PCSK4: variants seen among roughly 807,000 people sequenced by gnomAD.
The protein encoded by PCSK4 is proprotein convertase subtilisin/kexin type 4.
Under a neutral mutation model 80.3 loss-of-function variants are expected in PCSK4, and 64 were observed. The observed-to-expected ratio is 0.80, with a 90% CI of 0.65 to 0.98. The LOEUF is 0.98. PCSK4 is among the 50% of genes least tolerant of loss of function. The probability of loss-of-function intolerance (pLI) is 0.00; values close to 1 mark genes in which losing one functional copy is unlikely to be tolerated. For missense variants in PCSK4, 1,213 were observed against 1,093.6 expected, an observed-to-expected ratio of 1.11 and a Z score of -1.54; for synonymous variants, 561 against 487.6, an observed-to-expected ratio of 1.15 and a Z score of -1.98.
At chr19:1,486,955 C>A in exon 8 of PCSK4, 1 of 1,608,204 alleles carries the variant, frequency 6.2e-7, no homozygotes, top group Non-Finnish European at 8.5e-7. Context: ...TGGTGCTGCC[C>A]ACGGAAAGCG....
intron 13 of PCSK4, 53 bp downstream of exon 13, chr19:1,482,843 G>C (rs1212988396): frequency 6.3e-7 from 1 of 1,593,262 alleles, no homozygotes; most frequent in Non-Finnish European, 8.6e-7. Flanking sequence ...AGAGCCCCTG[G>C]GGGGAGGTTG....
At chr19:1,490,590 CGACAA>C, upstream of PCSK4, 3 of 466,550 alleles carry the variant, frequency 6.4e-6, no homozygotes, top group Non-Finnish European at 1.1e-5. Flanking sequence ...ATTTGTACAA[CGACAA>C]GACTAACCCA....
Position 1,482,340 on chromosome 19 carries a change from C to T in PCSK4, c.1819+13G>A, listed in dbSNP as rs996035440. On this transcript the variant is annotated intron_variant, in intron 14 of 14. Coordinates refer to ENST00000300954, the Ensembl canonical transcript of PCSK4. ...CGCCTCCCAGCAGTGGGCCCTGCCCCGCCGGCACTCACCCTGGCACAGCCC... is the reference window on the plus strand; with the variant it reads ...CGCCTCCCAGCAGTGGGCCCTGCCCTGCCGGCACTCACCCTGGCACAGCCC... The T allele has an allele frequency of 1.5e-5, 23 of 1,538,124 alleles. No homozygotes were observed. Among genetic ancestry groups the T allele is most frequent in the Admixed American group, 3.9e-5 (2 of 50,986 alleles).
At chr19:1,483,865 A>G (rs963834921) in exon 10 of PCSK4, 10 of 1,497,212 alleles carry the variant, frequency 6.7e-6, no homozygotes, top group Non-Finnish European at 8.8e-6. Flanking sequence ...TTGGTCCTCC[A>G]GTCCTCGGCC....
rs751337182 is a variant in PCSK4 at position 1,483,510 on chromosome 19, T to C, written c.1392-47A>G. On this transcript the variant is annotated intron_variant, in intron 11 of 14. Transcript: ENST00000300954. The stretch of plus-strand genomic sequence containing the variant: ...GACCCTCCTGCGGCCTGCTGGGGGG[T>C]GGGTGGGCGGCCAGCAGGCGAGGTC... The C allele has an allele frequency of 1.2e-5, 6 of 520,604 alleles. No homozygotes were observed. In the East Asian group the frequency reaches 2.5e-4, roughly 21 times the overall value. 32.2% of individuals were successfully genotyped at this position (520,604 alleles called of 1,614,324 possible). A position where few individuals can be genotyped will look rare whatever the true frequency, so the allele number is the denominator to read the frequency against.
At chr19:1,482,505 G>C in intron 13 of PCSK4, 30 bp from the exon 14 acceptor site, 1 of 1,584,932 alleles carries the variant, frequency 6.3e-7, no homozygotes, top group African/African-American at 1.3e-5. Flanking sequence ...GGGCACAGGA[G>C]GAAAAGGAGG....
intron 13 of PCSK4, 159 bp from the exon 14 acceptor site, chr19:1,482,634 A>ACACCGACATCTC (rs1400678687): frequency 1.1e-6 from 1 of 937,526 alleles, no homozygotes; most frequent in African/African-American, 1.7e-5. Flanking sequence ...CTGTCACTGG[A>ACACCGACATCTC]CACCGACATC....
intron 10 of PCSK4, 21 bp from the exon 11 acceptor site, chr19:1,483,788 C>T (rs2145346837): frequency 6.5e-7 from 1 of 1,549,936 alleles, no homozygotes. Flanking sequence ...GGGCAGCAGT[C>T]ACTCGCCCCG....
Position 1,483,643 on chromosome 19 carries a change from G to T in PCSK4, c.1391+7C>A, listed in dbSNP as rs972029458. The stretch of plus-strand genomic sequence containing the variant: ...GGGGATAGCGGAGGGGCGCGCAGGG[G>T]TCTCACGTGGGGCGGCTCTGGACCC... On this transcript the variant is annotated splice_region_variant and intron_variant, in intron 11 of 14. Transcript: ENST00000300954. The T allele has an allele frequency of 8.9e-6, 14 of 1,576,926 alleles. No homozygotes were observed. The highest frequency in any genetic ancestry group is 1.3e-5 in the African/African-American group (1 of 74,284).
chr19:1,489,832 C>T (rs1287813070), exon 2 of PCSK4: 1 of 1,609,968 alleles, frequency 6.2e-7, no homozygotes, highest in East Asian at 2.2e-5. Context: ...GGCCCCAGTG[C>T]GGGGTCAGGG....
intron 8 of PCSK4, 51 bp from the exon 9 acceptor site, chr19:1,484,178 A>G (rs2084481965): frequency 5.8e-6 from 6 of 1,036,718 alleles, no homozygotes; most frequent in Non-Finnish European, 8.7e-6. Flanking sequence ...GTGAGAATAC[A>G]GCCCTTCTTC....
At chr19:1,490,673 AC>A, upstream of PCSK4, 1 of 318,668 alleles carries the variant, frequency 3.1e-6, no homozygotes, top group Non-Finnish European at 5.8e-6. Flanking sequence ...TTTCCAACAC[AC>A]CCCTCCTTCG....
exon 12 of PCSK4, chr19:1,483,383 T>G: frequency 6.2e-7 from 1 of 1,606,750 alleles, no homozygotes; most frequent in Non-Finnish European, 8.5e-7. Context: ...CGCCTGCACG[T>G]GCTCCAGCGA....
In PCSK4 at chr19:1,487,031, G is replaced by A. The variant is rs774780715; in HGVS notation, c.890C>T (p.Ala297Val). 21 of 1,607,954 alleles carry A rather than the reference G, an allele frequency of 1.3e-5. No homozygotes were observed. The South Asian group carries it at 2.2e-4, about 17-fold the overall frequency. Residue 297 changes from alanine (A) to valine (V), a missense_variant, in exon 8 of 15, where the codon GCC becomes GTC. Ala to Val is a moderately conservative substitution (Grantham distance 64). Transcript: ENST00000300954. ...GTAGTGCAGGCCGCCGTTGCCCGAG[G>A]CCCAGATGAAGAGCGTGCCCAGCCC...
chr19:1,483,540 C>T (rs530797855), intron 11 of PCSK4, 77 bp from the exon 12 acceptor site: 1 of 1,424,734 alleles, frequency 7.0e-7, no homozygotes, highest in East Asian at 2.3e-5. Context: ...GAGGTCGGGG[C>T]TCAGAGGTCA....
intron 6 of PCSK4, 85 bp from the exon 7 acceptor site, chr19:1,487,398 C>A (rs1599235922): frequency 1.7e-6 from 2 of 1,168,162 alleles, no homozygotes; most frequent in East Asian, 2.5e-5. Context: ...CCACACCACT[C>A]CCCAGCCCTA....
At chr19:1,487,732 T>C in intron 5 of PCSK4, 41 bp from the exon 6 acceptor site, 1 of 1,540,712 alleles carries the variant, frequency 6.5e-7, no homozygotes, top group Non-Finnish European at 8.8e-7. Flanking sequence ...ACGGCCTCCA[T>C]CCCCCTGCCG....
chr19:1,481,587 TTCTC>T (rs370258871), exon 15 of PCSK4: 100 of 461,064 alleles, frequency 2.2e-4, no homozygotes, highest in Middle Eastern at 5.7e-4. Context: ...CAGAGGAGAC[TTCTC>T]TCTCTCTCTC....
Position 1,486,957 on chromosome 19 carries a change from C to T in PCSK4, c.964G>A (p.Val322Met), listed in dbSNP as rs374332963. 26 of 1,608,204 alleles carry T rather than the reference C, an allele frequency of 1.6e-5. No homozygotes were observed. In the East Asian group the frequency reaches 2.0e-4, roughly 12 times the overall value. The change falls in exon 8 of 15, where the codon GTG becomes ATG. Residue 322 changes from valine to methionine, a missense_variant. By Grantham distance (21) the Val-to-Met change is conservative. Coordinates refer to ENST00000300954, the Ensembl canonical transcript of PCSK4. ...CGGCCCTGCTGGGTGGTGCTGCCCA[C>T]GGAAAGCGTGTGGATGCTGTTGGTG...
Sources: gnomAD v4.1 joint callset for allele counts on GRCh38, gnomAD v4.1.1 for gene constraint, MANE v1.5 for transcripts, NCBI Gene and HGNC (gene_info 2026-07-23, HGNC 2026-07-21) for gene names.